The following NUFIP2 variants were observed in gnomAD, a reference collection of about 807,000 sequenced individuals.
NUFIP2 encodes FMR1-interacting protein NUFIP2.
A neutral mutation model predicts 56.9 loss-of-function variants in NUFIP2; 6 were observed. The observed-to-expected ratio is 0.11, with a 90% CI of 0.06 to 0.21. The LOEUF (loss-of-function observed/expected upper bound fraction) is 0.21. NUFIP2 is among the 10% of genes least tolerant of loss of function. The pLI is 1.00. For missense variants in NUFIP2, 828 were observed against 826.8 expected (o/e 1.00, Z -0.02); for synonymous variants, 321 against 298.2 (o/e 1.08, Z -0.79).
chr17:29,292,671 C>A (rs967375077), intron 1 of NUFIP2, among the ~76,000 whole-genome samples: 2 of 149,532 alleles, frequency 1.3e-5, no homozygotes, highest in Non-Finnish European at 3.0e-5. Context: ...TCCCTCTCAG[C>A]TCCGCTTCGA....
Position 29,293,740 on chromosome 17 carries a change from T to TCCCCCCC in NUFIP2, c.277+42_277+43insGGGGGGG. ...AGCCCCACCCCCATCTCTCCTGTCC[T>TCCCCCCC]CCACCCCCAACCCCCTTCCCCCACC... is the stretch of plus-strand genomic sequence containing the variant. On this transcript the variant is annotated intron_variant, in intron 1 of 3. Transcript: ENST00000225388. 5.5e-6 allele frequency: 6 copies of TCCCCCCC among 1,087,462 alleles called. No individual in the cohort carries two copies. The East Asian group carries it at 7.7e-5, about 14-fold the overall frequency. 67.4% of individuals were successfully genotyped at this position (1,087,462 alleles called of 1,614,324 possible).
In NUFIP2 at chr17:29,258,260, G is replaced by T. The variant is rs2068981774; in HGVS notation, c.*6279C>A. On this transcript the variant is annotated 3_prime_UTR_variant, in exon 4 of 4. Coordinates refer to ENST00000225388, the MANE Select transcript of NUFIP2 (RefSeq NM_020772.3). ...TGGTGTTTCCCACCCATTATTTTGGGTTCAATCACCTTCAAGTTTGGGTAT... is the reference window on the plus strand; with the variant it reads ...TGGTGTTTCCCACCCATTATTTTGGTTTCAATCACCTTCAAGTTTGGGTAT... 1 of 152,044 alleles carries T rather than the reference G, an allele frequency of 6.6e-6. No individual in the cohort carries two copies. Among genetic ancestry groups the T allele is most frequent in the African/African-American group, 2.4e-5 (1 of 41,402 alleles). 9.4% of individuals were successfully genotyped at this position (152,044 alleles called of 1,614,324 possible). A position where few individuals can be genotyped will look rare whatever the true frequency, so the allele number is the denominator to read the frequency against.
chr17:29,281,758 C>T (rs1253138207), intron 2 of NUFIP2, among the ~76,000 whole-genome samples: 1 of 149,322 alleles, frequency 6.7e-6, no homozygotes, highest in African/African-American at 2.5e-5. Flanking sequence ...ACACAAATCC[C>T]GCCACCCCCC....
rs2068971079 is a variant in NUFIP2, at chr17:29,256,294, A to T, written c.*8245T>A. ...AGAGAAATTACTTCACTCCTCCAGTAGGTTCTAAGACTGAACATAAGTGAA... is the reference window on the plus strand; with the variant it reads ...AGAGAAATTACTTCACTCCTCCAGTTGGTTCTAAGACTGAACATAAGTGAA... On this transcript the variant is annotated 3_prime_UTR_variant, in exon 4 of 4. Transcript: ENST00000225388. 1 of 152,260 alleles carries T rather than the reference A, an allele frequency of 6.6e-6. No individual in the cohort carries two copies. The highest frequency in any genetic ancestry group is 1.5e-5 in the Non-Finnish European group (1 of 68,050). The allele number at this position is 152,260 out of a possible 1,614,324, so 9.4% of individuals were successfully genotyped here.
intron 2 of NUFIP2, among the ~76,000 whole-genome samples, chr17:29,275,194 GTAT>G (rs2069100259): frequency 6.6e-6 from 1 of 151,866 alleles, no homozygotes; most frequent in Non-Finnish European, 1.5e-5. Flanking sequence ...CTAATTTTTT[GTAT>G]TTTTTTTGTA....
intron 2 of NUFIP2, among the ~76,000 whole-genome samples, chr17:29,278,481 C>T (rs1380884941): frequency 3.3e-5 from 5 of 151,988 alleles, no homozygotes; most frequent in Non-Finnish European, 1.5e-5. Context: ...CTCCTGACCT[C>T]GTGATCTGCC....
At position 29,258,167 on chromosome 17, in the gene NUFIP2, T is replaced by C. The variant is rs1463648189; in HGVS notation, c.*6372A>G. On this transcript the variant is annotated 3_prime_UTR_variant, in exon 4 of 4. Transcript: ENST00000225388. ...GCAAATTAAAATTTTGGCTTTGCGATATTGGCAACATCAAAATATAACCAG... is the reference window on the plus strand; with the variant it reads ...GCAAATTAAAATTTTGGCTTTGCGACATTGGCAACATCAAAATATAACCAG... The C allele has an allele frequency of 1.3e-5, 2 of 152,174 alleles. No individual in the cohort carries two copies. The highest frequency in any genetic ancestry group is 2.4e-5 in the African/African-American group (1 of 41,446). 9.4% of individuals were successfully genotyped at this position (152,174 alleles called of 1,614,324 possible).
chr17:29,292,132 G>C (rs151259541), intron 1 of NUFIP2, among the ~76,000 whole-genome samples: 1 of 152,000 alleles, frequency 6.6e-6, no homozygotes, highest in African/African-American at 2.4e-5. Flanking sequence ...TCAATTTCTC[G>C]TTTATTAAGA....
chr17:29,268,198 C>T (rs867464924), intron 2 of NUFIP2, among the ~76,000 whole-genome samples: 1 of 152,104 alleles, frequency 6.6e-6, no homozygotes, highest in Admixed American at 6.6e-5. Context: ...TGTGCCAGCC[C>T]GGCTGGCTCT....
chr17:29,264,544 G>C lies in NUFIP2; in HGVS notation c.2083C>G (p.Gln695Glu). ...TYNEAMDSPDQ is the reference protein window; with the variant it reads ...TYNEAMDSPDE ...CGAATAGGCAGTCTGGTCCTTCATTGATCTGGACTATCCATGGCTTCATTG... is the reference window on the plus strand; with the variant it reads ...CGAATAGGCAGTCTGGTCCTTCATTCATCTGGACTATCCATGGCTTCATTG... The change falls in exon 4 of 4, where the codon CAA (glutamine) becomes GAA (glutamate). Residue 695 changes from glutamine (Q) to glutamate (E), a missense_variant. Physicochemically the swap from Gln to Glu is conservative, Grantham distance 29. This residue lies in a region of NUFIP2 where 404 missense variants were observed against 380.3 expected (regional missense o/e 1.06). Transcript: ENST00000225388. 1 of 1,607,016 alleles carries C rather than the reference G, an allele frequency of 6.2e-7. No individual in the cohort carries two copies. Among genetic ancestry groups the C allele is most frequent in the Non-Finnish European group, 8.5e-7 (1 of 1,173,936 alleles).
At position 29,264,362 on chromosome 17, in the gene NUFIP2, CT is replaced by C; in HGVS notation, c.*176del. The C allele has an allele frequency of 4.9e-6, 1 of 206,150 alleles. No homozygotes were observed. Among genetic ancestry groups the C allele is most frequent in the Non-Finnish European group, 9.5e-6 (1 of 105,242 alleles). 12.8% of individuals were successfully genotyped at this position (206,150 alleles called of 1,614,324 possible). On this transcript the variant is annotated 3_prime_UTR_variant, in exon 4 of 4. Transcript: ENST00000225388. ...AAGAAGTCTAATTACTTTCAGTTGC[CT>C]TTTTTAAATAACTATATATATATAT...
chr17:29,274,988 C>T (rs1030313427), intron 2 of NUFIP2, among the ~76,000 whole-genome samples: 1 of 151,592 alleles, frequency 6.6e-6, no homozygotes, highest in Non-Finnish European at 1.5e-5. Flanking sequence ...CATAGAATTG[C>T]AGCAATGATA....
At chr17:29,273,439 T>C (rs1423367450) in intron 2 of NUFIP2, among the ~76,000 whole-genome samples, 2 of 152,170 alleles carry the variant, frequency 1.3e-5, no homozygotes, top group East Asian at 3.8e-4. Context: ...CCCAAAGTGC[T>C]GGGACTACAG....
At chr17:29,274,392 G>A (rs530966019) in intron 2 of NUFIP2, among the ~76,000 whole-genome samples, 7 of 152,252 alleles carry the variant, frequency 4.6e-5, no homozygotes, top group Non-Finnish European at 7.4e-5. Flanking sequence ...AGGATTGCTC[G>A]AGTCCAAGAA....
In NUFIP2 at chr17:29,259,997, A is replaced by G. The variant is rs1046135772; in HGVS notation, c.*4542T>C. 1.3e-5 allele frequency: 2 copies of G among 152,220 alleles called. No individual in the cohort carries two copies. Among genetic ancestry groups the G allele is most frequent in the African/African-American group, 4.8e-5 (2 of 41,458 alleles). The allele number at this position is 152,220 out of a possible 1,614,324, so 9.4% of individuals were successfully genotyped here. ...TTTAAAAGAAACATTTTAAGATACC[A>G]AAACAGAAGCCCACCCTTTTCACCA... On this transcript the variant is annotated 3_prime_UTR_variant, in exon 4 of 4. Transcript: ENST00000225388.
At chr17:29,280,178 G>A (rs181723263) in intron 2 of NUFIP2, among the ~76,000 whole-genome samples, 13 of 152,280 alleles carry the variant, frequency 8.5e-5, no homozygotes, top group African/African-American at 2.4e-4. Flanking sequence ...ATCCTTCAGT[G>A]CCATAACAGC....
In NUFIP2 at chr17:29,293,913, ATGGTGG is replaced by A; in HGVS notation, c.141_146del (p.His50_His51del). The A allele has an allele frequency of 6.2e-7, 1 of 1,613,204 alleles. No individual in the cohort carries two copies. The highest frequency in any genetic ancestry group is 8.5e-7 in the Non-Finnish European group (1 of 1,179,584). On this transcript the variant is annotated inframe_deletion, in exon 1 of 4. Coordinates refer to ENST00000225388, the MANE Select transcript of NUFIP2 (RefSeq NM_020772.3). ...GGTATTGGTGAGGCTGCTGGTGATG[ATGGTGG>A]TGGTGGTGGTTGTGGCTGTGGTTGT... is the stretch of plus-strand genomic sequence containing the variant.
chr17:29,270,707 TAG>T, intron 2 of NUFIP2, among the ~76,000 whole-genome samples: 1 of 151,936 alleles, frequency 6.6e-6, no homozygotes. Context: ...TGGCCAGGTA[TAG>T]TGGCTCACGC....
intron 1 of NUFIP2, among the ~76,000 whole-genome samples, chr17:29,290,661 AAAAAAAG>A (rs2069206007): frequency 6.9e-6 from 1 of 145,036 alleles, no homozygotes; most frequent in Admixed American, 6.8e-5. Context: ...CTCAAAAAAA[AAAAAAAG>A]AAAGAAAGAA....
Sources: gnomAD v4.1 joint callset for allele counts (sites outside exome capture counted in the v4.1 genomes callset) on GRCh38, gnomAD v4.1.1 for gene constraint, gnomAD v4.1.1 regional missense constraint, MANE v1.5 for transcripts, NCBI Gene and HGNC (gene_info 2026-07-23, HGNC 2026-07-21) for gene names.